The following ANAPC10 variants were observed in gnomAD, a reference collection of about 807,000 sequenced individuals.
The protein encoded by ANAPC10 is anaphase-promoting complex subunit 10.
Under a neutral mutation model 22.0 loss-of-function variants are expected in ANAPC10, and 12 were observed. The observed-to-expected ratio is 0.55, with a 90% CI of 0.35 to 0.88. The LOEUF (loss-of-function observed/expected upper bound fraction) is 0.88. Ranked by LOEUF, ANAPC10 falls within the 40% of genes least tolerant of loss-of-function variation. The probability of loss-of-function intolerance (pLI) is 0.01; values close to 1 mark genes in which losing one functional copy is unlikely to be tolerated. For missense variants in ANAPC10, 188 were observed against 220.9 expected, an observed-to-expected ratio of 0.85 and a Z score of 0.94; for synonymous variants, 65 against 69.5, an observed-to-expected ratio of 0.94 and a Z score of 0.32.
At chr4:145,011,915 C>T (rs1245113620) in intron 4 of ANAPC10, among the ~76,000 whole-genome samples, 1 of 152,014 alleles carries the variant, frequency 6.6e-6, no homozygotes, top group African/African-American at 2.4e-5. Flanking sequence ...AAATACCAGG[C>T]TCCTAGTTGA....
chr4:145,076,924 G>C (rs1745283205), intron 3 of ANAPC10, among the ~76,000 whole-genome samples: 1 of 152,208 alleles, frequency 6.6e-6, no homozygotes, highest in Non-Finnish European at 1.5e-5. Context: ...AATTTGCCAG[G>C]CGTGGTGGCT....
intron 3 of ANAPC10, among the ~76,000 whole-genome samples, chr4:145,067,808 C>A (rs1560904100): frequency 6.6e-6 from 1 of 152,196 alleles, no homozygotes; most frequent in Non-Finnish European, 1.5e-5. Context: ...TCCCCTCTTT[C>A]TTCATAACAT....
chr4:145,079,884 C>T (rs1257448585), intron 3 of ANAPC10, among the ~76,000 whole-genome samples: 1 of 151,898 alleles, frequency 6.6e-6, no homozygotes, highest in Non-Finnish European at 1.5e-5. Flanking sequence ...GAGGCCGAGG[C>T]GGCTAGATCA....
At chr4:145,079,420 A>G (rs1439462970) in intron 3 of ANAPC10, among the ~76,000 whole-genome samples, 1 of 152,272 alleles carries the variant, frequency 6.6e-6, no homozygotes, top group Non-Finnish European at 1.5e-5. Flanking sequence ...ATACTTATAC[A>G]CTGCTGGTGG....
chr4:145,025,465 T>C (rs2127012618), intron 4 of ANAPC10, among the ~76,000 whole-genome samples: 1 of 152,002 alleles, frequency 6.6e-6, no homozygotes, highest in Non-Finnish European at 1.5e-5. Context: ...TATTGTTGTG[T>C]CTCAACCAAT....
At chr4:145,032,114 T>A (rs902647545) in intron 4 of ANAPC10, among the ~76,000 whole-genome samples, 3 of 152,126 alleles carry the variant, frequency 2.0e-5, no homozygotes, top group Non-Finnish European at 1.5e-5. Flanking sequence ...TTTCCTATGA[T>A]CAACTGGCAG....
intron 4 of ANAPC10, among the ~76,000 whole-genome samples, chr4:145,030,547 A>T (rs2127051239): frequency 6.6e-6 from 1 of 152,332 alleles, no homozygotes; most frequent in East Asian, 1.9e-4. Context: ...GTAGGGGCTT[A>T]CAGAGGTCAG....
chr4:145,059,863 C>A (rs1742626370), intron 4 of ANAPC10, among the ~76,000 whole-genome samples: 2 of 151,770 alleles, frequency 1.3e-5, no homozygotes. Flanking sequence ...AAAAAAAAAT[C>A]TCACACATTA....
intron 4 of ANAPC10, among the ~76,000 whole-genome samples, chr4:145,055,319 A>G (rs1579056106): frequency 6.6e-6 from 1 of 152,334 alleles, no homozygotes; most frequent in Middle Eastern, 3.4e-3. Flanking sequence ...GCACTTTGAG[A>G]GGCCGAGGCG....
intron 4 of ANAPC10, among the ~76,000 whole-genome samples, chr4:145,044,249 G>A (rs891430759): frequency 1.3e-5 from 2 of 151,954 alleles, no homozygotes; most frequent in Non-Finnish European, 2.9e-5. Flanking sequence ...ACAAAAATAC[G>A]TTCTTACCTT....
intron 4 of ANAPC10, among the ~76,000 whole-genome samples, chr4:145,017,799 T>C (rs557766000): frequency 6.6e-6 from 1 of 151,986 alleles, no homozygotes; most frequent in Admixed American, 6.5e-5. Flanking sequence ...TAAAAAAGGA[T>C]GAGTTCATGT....
chr4:145,046,481 G>A (rs891560481), intron 4 of ANAPC10, among the ~76,000 whole-genome samples: 5 of 151,990 alleles, frequency 3.3e-5, no homozygotes, highest in Admixed American at 1.3e-4. Context: ...AAGTATCCAC[G>A]TTAGTAAAAC....
chr4:145,091,735 A>G (rs1053389937), intron 2 of ANAPC10, among the ~76,000 whole-genome samples: 23 of 152,176 alleles, frequency 1.5e-4, no homozygotes, highest in Non-Finnish European at 3.4e-4. Context: ...GCTGAGTCAA[A>G]TGGTATTTCT....
At chr4:145,037,178 A>T (rs1738707729) in intron 4 of ANAPC10, among the ~76,000 whole-genome samples, 1 of 151,916 alleles carries the variant, frequency 6.6e-6, no homozygotes, top group Non-Finnish European at 1.5e-5. Flanking sequence ...AGTCCTTCAT[A>T]CTCCAGGTAA....
chr4:145,014,470 AC>A (rs2126943609), intron 4 of ANAPC10, among the ~76,000 whole-genome samples: 1 of 151,840 alleles, frequency 6.6e-6, no homozygotes, highest in East Asian at 1.9e-4. Context: ...GACACACCAA[AC>A]CCTGCCCCTA....
In ANAPC10 at chr4:145,001,110, C is replaced by G. The variant is rs569997479; in HGVS notation, c.328-5507G>C. On this transcript the variant is annotated intron_variant, in intron 4 of 4. Coordinates refer to ENST00000507656, the MANE Select transcript of ANAPC10 (RefSeq NM_001256706.2). ...ATGACGAGTTAATGGGTGCAGCAAA[C>G]CAACATGGTACATGTATACCTATGT... is the stretch of plus-strand genomic sequence containing the variant. Among the ~76,000 whole-genome samples the G allele has an allele frequency of 2.6e-5, 4 of 151,682 alleles. No homozygotes were observed. The East Asian group carries it at 7.8e-4, about 29-fold the overall frequency.
intron 4 of ANAPC10, among the ~76,000 whole-genome samples, chr4:145,037,439 A>G (rs1738752109): frequency 6.6e-6 from 1 of 152,166 alleles, no homozygotes; most frequent in Admixed American, 6.5e-5. Context: ...TTAACAGTAA[A>G]TAAATATTGA....
intron 4 of ANAPC10, among the ~76,000 whole-genome samples, chr4:145,041,560 A>C (rs950290937): frequency 6.6e-6 from 1 of 152,222 alleles, no homozygotes; most frequent in African/African-American, 2.4e-5. Flanking sequence ...AGGCCCTTAG[A>C]AAACTGACAC....
intron 4 of ANAPC10, among the ~76,000 whole-genome samples, chr4:145,025,250 TA>T (rs1176592107): frequency 6.6e-6 from 1 of 152,152 alleles, no homozygotes; most frequent in African/African-American, 2.4e-5. Context: ...ATGTGTTCAC[TA>T]GAGTAGCACT....
Sources: gnomAD v4.1 joint callset for allele counts (sites outside exome capture counted in the v4.1 genomes callset) on GRCh38, gnomAD v4.1.1 for gene constraint, MANE v1.5 for transcripts, NCBI Gene and HGNC (gene_info 2026-07-23, HGNC 2026-07-21) for gene names.